ATRN: variants seen among roughly 807,000 people sequenced by gnomAD.
ATRN encodes attractin.
Under a neutral mutation model 178.7 loss-of-function variants are expected in ATRN, and 54 were observed. The ratio of observed to expected loss-of-function variants is 0.30; its 90% CI spans 0.24 to 0.38. The LOEUF (loss-of-function observed/expected upper bound fraction) is 0.38, where lower values mean the gene tolerates loss of function less well. ATRN is among the 10% of genes least tolerant of loss of function. ATRN has a pLI of 1.00. For missense variants in ATRN, 1,443 were observed against 1,815.1 expected (o/e 0.79, Z 3.73); for synonymous variants, 636 against 663.0 (o/e 0.96, Z 0.63).
intron 3 of ATRN, among the ~76,000 whole-genome samples, chr20:3,540,685 A>C (rs182855241): frequency 5.4e-4 from 83 of 152,332 alleles, no homozygotes; most frequent in Admixed American, 1.5e-3. Context: ...GAAAAATTTA[A>C]ATCAGGAATA....
At chr20:3,573,261 C>A (rs185099587) in intron 12 of ATRN, among the ~76,000 whole-genome samples, 51 of 152,236 alleles carry the variant, frequency 3.4e-4, no homozygotes, top group African/African-American at 1.2e-3. Context: ...TCCAGTAGAA[C>A]TTTATTTTTG....
chr20:3,521,654 G>A (rs1290569976), intron 1 of ATRN, among the ~76,000 whole-genome samples: 1 of 152,122 alleles, frequency 6.6e-6, no homozygotes, highest in Non-Finnish European at 1.5e-5. Context: ...GACATAATTG[G>A]TACTTAGAGA....
chr20:3,612,564 A>G lies in ATRN; in HGVS notation c.3801+8302A>G, dbSNP rs570924721. ...GAATAGAGCTTGCAGGGGTTTCGGT[A>G]GTTTCTCCGATCCGAAAGAGGTTGA... On this transcript the variant is annotated intron_variant, in intron 24 of 28. Transcript: ENST00000262919. 2.3e-3 allele frequency among the ~76,000 whole-genome samples: 346 copies of G among 152,284 alleles called. 2 individuals carry two copies. The highest frequency in any genetic ancestry group is 8.1e-3 in the African/African-American group (335 of 41,558).
In ATRN at chr20:3,493,323, A is replaced by AT. The variant is rs140855155; in HGVS notation, c.410+21822dup. Among the ~76,000 whole-genome samples, 616 of 139,794 alleles carry AT rather than the reference A, an allele frequency of 4.4e-3. 4 individuals carry two copies. The highest frequency in any genetic ancestry group is 0.019 in the East Asian group (90 of 4,804). The allele number at this position is 139,794 out of a possible 152,430, so 91.7% of individuals were successfully genotyped here. On this transcript the variant is annotated intron_variant, in intron 1 of 28. Coordinates refer to ENST00000262919, the MANE Select transcript of ATRN (RefSeq NM_139321.3). The stretch of plus-strand genomic sequence containing the variant: ...TGTGTGCCATACCACACCTGGCTAA[A>AT]TTTTTTTTTTTTTTTTGGTAGAGAT...
At chr20:3,602,689 G>A (rs1358885388) in intron 23 of ATRN, among the ~76,000 whole-genome samples, 1 of 151,800 alleles carries the variant, frequency 6.6e-6, no homozygotes, top group Non-Finnish European at 1.5e-5. Flanking sequence ...CAATGAGCCG[G>A]GCGGTGGCTC....
At chr20:3,486,402 T>C (rs1470541228) in intron 1 of ATRN, among the ~76,000 whole-genome samples, 1 of 151,974 alleles carries the variant, frequency 6.6e-6, no homozygotes, top group African/African-American at 2.4e-5. Context: ...TTTTTTTCCT[T>C]TTTATTTTTA....
At chr20:3,640,064 A>G (rs2087055932) in intron 27 of ATRN, among the ~76,000 whole-genome samples, 1 of 152,264 alleles carries the variant, frequency 6.6e-6, no homozygotes, top group South Asian at 2.1e-4. Flanking sequence ...TCCAAATGTT[A>G]GAATTGAAAT....
chr20:3,572,251 G>C (rs1241650682), intron 11 of ATRN, among the ~76,000 whole-genome samples: 1 of 152,010 alleles, frequency 6.6e-6, no homozygotes, highest in Non-Finnish European at 1.5e-5. Flanking sequence ...ATATAGAATT[G>C]CTGTTTAGCA....
chr20:3,577,248 G>A (rs371736095), intron 14 of ATRN, among the ~76,000 whole-genome samples: 1 of 152,206 alleles, frequency 6.6e-6, no homozygotes, highest in Non-Finnish European at 1.5e-5. Flanking sequence ...GCTTGGTTCT[G>A]TATCACTGAG....
chr20:3,507,420 A>T (rs2085061488), intron 1 of ATRN, among the ~76,000 whole-genome samples: 1 of 152,014 alleles, frequency 6.6e-6, no homozygotes, highest in Non-Finnish European at 1.5e-5. Context: ...AAAAAAAAAA[A>T]AATTGGAGTC....
intron 17 of ATRN, 121 bp downstream of exon 17, chr20:3,584,204 C>G: frequency 9.2e-7 from 1 of 1,088,436 alleles, no homozygotes; most frequent in Non-Finnish European, 1.3e-6. Flanking sequence ...ATGACCTCTG[C>G]TCAAACCTGA....
chr20:3,608,967 C>CAA (rs758329997), intron 24 of ATRN, among the ~76,000 whole-genome samples: 1 of 58,244 alleles, frequency 1.7e-5, no homozygotes, highest in Non-Finnish European at 3.5e-5. Flanking sequence ...GACTCTGTCT[C>CAA]AAAAAAAAAA....
At chr20:3,639,467 G>C (rs566450767) in intron 27 of ATRN, among the ~76,000 whole-genome samples, 1 of 152,056 alleles carries the variant, frequency 6.6e-6, no homozygotes, top group Non-Finnish European at 1.5e-5. Context: ...TGGCCAGGCT[G>C]GTCTCGAACT....
chr20:3,481,405 A>G (rs529236028), intron 1 of ATRN, among the ~76,000 whole-genome samples: 51 of 152,234 alleles, frequency 3.4e-4, no homozygotes, highest in African/African-American at 1.1e-3. Flanking sequence ...CGGTGGTGCA[A>G]TCACTGCTCA....
At position 3,576,986 on chromosome 20, in the gene ATRN, T is replaced by A; in HGVS notation, c.2342T>A (p.Ile781Asn). ...TGGGAGCCCCGGAATCAGGAGTGCA[T>A]TGCCCTGCCCGGTAGGCCTTGCAGG... ...CQWEPRNQECIALPENICGIG... is the reference protein window; with the variant it reads ...CQWEPRNQECNALPENICGIG... The change falls in exon 14 of 29, where the codon ATT (isoleucine) becomes AAT (asparagine). Residue 781 changes from isoleucine to asparagine, a missense_variant. By Grantham distance (149) the Ile-to-Asn change is moderately radical. Transcript: ENST00000262919. 3.1e-6 allele frequency: 5 copies of A among 1,614,038 alleles called. No homozygotes were observed. Among genetic ancestry groups the A allele is most frequent in the Non-Finnish European group, 4.2e-6 (5 of 1,179,986 alleles).
At chr20:3,618,836 G>A (rs1369608887) in intron 24 of ATRN, among the ~76,000 whole-genome samples, 1 of 119,252 alleles carries the variant, frequency 8.4e-6, no homozygotes, top group Non-Finnish European at 1.7e-5. Context: ...CTTTGGTGGT[G>A]GTGGTGGTTT....
At chr20:3,481,494 C>T (rs559804402) in intron 1 of ATRN, among the ~76,000 whole-genome samples, 16 of 152,070 alleles carry the variant, frequency 1.1e-4, no homozygotes, top group Admixed American at 7.9e-4. Flanking sequence ...ACTGCAGGTG[C>T]GCACCACCAT....
rs1047199555 is a variant in ATRN at position 3,596,398 on chromosome 20, C to T, written c.3438C>T (p.Tyr1146=). 1.9e-6 allele frequency: 3 copies of T among 1,613,464 alleles called. No homozygotes were observed. The highest frequency in any genetic ancestry group is 1.6e-4 in the Middle Eastern group (1 of 6,062). The change falls in exon 21 of 29, where the codon TAC becomes TAT. Residue 1146 remains tyrosine, a synonymous_variant. Transcript: ENST00000262919. The stretch of plus-strand genomic sequence containing the variant: ...CCAGATGTGAGGTAGAAAATCGATA[C>T]CAAGGAAACCCTCTCAGAGGAACAT... ...ECQLCEVENR[Y]QGNPLRGTCY...
intron 1 of ATRN, chr20:3,490,599 G>A (rs1400467558): frequency 5.7e-6 from 6 of 1,043,906 alleles, no homozygotes; most frequent in South Asian, 2.5e-5. Context: ...CACGGAGATC[G>A]AGGTAACGAC....
Sources: gnomAD v4.1 joint callset for allele counts (sites outside exome capture counted in the v4.1 genomes callset) on GRCh38, gnomAD v4.1.1 for gene constraint, MANE v1.5 for transcripts, NCBI Gene and HGNC (gene_info 2026-07-23, HGNC 2026-07-21) for gene names.